Variants in STARD9 observed in about 807,000 individuals in gnomAD.
STARD9 encodes the protein stAR-related lipid transfer protein 9.
In STARD9, 346 loss-of-function variants were observed where a neutral mutation model predicts 399.8. The ratio of observed to expected loss-of-function variants is 0.87; its 90% confidence interval spans 0.79 to 0.95. The LOEUF (loss-of-function observed/expected upper bound fraction) is 0.95, where lower values mean the gene tolerates loss of function less well. Among genes scored for constraint, STARD9 ranks in the 40% least tolerant of loss-of-function variants. STARD9 has a pLI of 0.00. For missense variants in STARD9, 5,832 were observed against 5,667.5 expected, an observed-to-expected ratio of 1.03 and a Z score of -0.93; for synonymous variants, 2,203 against 2,143.5, an observed-to-expected ratio of 1.03 and a Z score of -0.77.
rs781592445 is a variant in STARD9, at chr15:42,687,329, GGAA to G, written c.5757_5759del (p.Glu1920del). Reference sequence around the variant, plus strand: ...TCTTTCGTGAATCTGAGGCACGAGAGGAAGAAGAGCTGGATCAGAATACGGTTC... The same window carrying G: ...TCTTTCGTGAATCTGAGGCACGAGAGGAAGAGCTGGATCAGAATACGGTTC... On this transcript the variant is annotated inframe_deletion, in exon 23 of 33. Coordinates refer to ENST00000290607, the MANE Select transcript of STARD9 (RefSeq NM_020759.3). 1.6e-5 allele frequency: 25 copies of G among 1,536,634 alleles called. No homozygotes were observed. Among genetic ancestry groups the G allele is most frequent in the Non-Finnish European group, 2.1e-5 (24 of 1,146,928 alleles).
chr15:42,699,154 C>T (rs1003198784), intron 26 of STARD9, among the ~76,000 whole-genome samples: 1 of 152,142 alleles, frequency 6.6e-6, no homozygotes, highest in African/African-American at 2.4e-5. Flanking sequence ...TCACTTTAAA[C>T]ATTTATCATT....
In STARD9 at chr15:42,693,085, C is replaced by CG; in HGVS notation, c.11507_11508insG (p.Val3837SerfsTer3). 2 of 1,537,112 alleles carry CG rather than the reference C, an allele frequency of 1.3e-6. No homozygotes were observed. Among genetic ancestry groups the CG allele is most frequent in the Non-Finnish European group, 8.7e-7 (1 of 1,146,878 alleles). On this transcript the variant is annotated frameshift_variant, in exon 23 of 33. Coordinates refer to ENST00000290607, the MANE Select transcript of STARD9 (RefSeq NM_020759.3). LOFTEE classifies it high-confidence loss of function. The stretch of plus-strand genomic sequence containing the variant: ...CAGCATCTTCCTTCTGTGAGCCCCT[C>CG]AGTTTCTGATGCTTTCCTGCCTCCC...
At chr15:42,581,104 C>T (rs960344285) in intron 1 of STARD9, 4 of 690,644 alleles carry the variant, frequency 5.8e-6, no homozygotes, top group Non-Finnish European at 1.1e-5. Flanking sequence ...TGCTGCTTTT[C>T]TTCTAATCCT....
intron 2 of STARD9, among the ~76,000 whole-genome samples, chr15:42,585,000 T>C (rs2058247030): frequency 6.6e-6 from 1 of 152,208 alleles, no homozygotes; most frequent in African/African-American, 2.4e-5. Context: ...CAGCCAAAAC[T>C]ATTTCATGAA....
At chr15:42,696,314 G>T (rs2060845939) in intron 26 of STARD9, among the ~76,000 whole-genome samples, 1 of 152,230 alleles carries the variant, frequency 6.6e-6, no homozygotes, top group Non-Finnish European at 1.5e-5. Context: ...AAAAGGATAA[G>T]AGGTAGTTAA....
At chr15:42,635,848 G>T (rs1490010222) in intron 4 of STARD9, among the ~76,000 whole-genome samples, 2 of 152,202 alleles carry the variant, frequency 1.3e-5, no homozygotes, top group Non-Finnish European at 2.9e-5. Flanking sequence ...GCCTACATGT[G>T]TTAGATCTGT....
In STARD9 at chr15:42,634,023, A is replaced by G. The variant is rs557010602; in HGVS notation, c.235-833A>G. 3.9e-5 allele frequency among the ~76,000 whole-genome samples: 6 copies of G among 152,106 alleles called. No individual in the cohort carries two copies. In the South Asian group the frequency reaches 1.2e-3, roughly 32 times the overall value. ...GCCTGTTTGGCTTCTATAGTAGAGC[A>G]TTGAGCTGTGCTTCCCACCAAGACT... On this transcript the variant is annotated intron_variant, in intron 3 of 32. Coordinates refer to ENST00000290607, the MANE Select transcript of STARD9 (RefSeq NM_020759.3).
chr15:42,672,186 A>G (rs987131473), intron 16 of STARD9: 5 of 152,356 alleles, frequency 3.3e-5, no homozygotes, highest in South Asian at 2.1e-4. Flanking sequence ...TAAGTTGGTT[A>G]CAGACCTAGA....
intron 9 of STARD9, among the ~76,000 whole-genome samples, chr15:42,653,473 A>G (rs1351839900): frequency 1.3e-5 from 2 of 152,230 alleles, no homozygotes; most frequent in Admixed American, 6.5e-5. Flanking sequence ...ATCCACACCT[A>G]GACACATCAT....
intron 3 of STARD9, among the ~76,000 whole-genome samples, chr15:42,625,606 AG>A (rs1003914495): frequency 3.3e-4 from 50 of 149,744 alleles, no homozygotes; most frequent in African/African-American, 1.2e-3. Flanking sequence ...CTGGGTTTAC[AG>A]GCATGAGCCA....
At chr15:42,665,879 T>G (rs1419983052) in intron 15 of STARD9, 31 bp downstream of exon 15, 5 of 1,524,232 alleles carry the variant, frequency 3.3e-6, no homozygotes, top group Non-Finnish European at 4.4e-6. Context: ...CAGTTGTTCT[T>G]TACATCACCT....
intron 3 of STARD9, among the ~76,000 whole-genome samples, chr15:42,610,456 C>A (rs1327302002): frequency 6.6e-6 from 1 of 152,206 alleles, no homozygotes; most frequent in African/African-American, 2.4e-5. Flanking sequence ...CCTACTGACT[C>A]CTGTGTAGCA....
At chr15:42,712,944 T>C (rs2061276776) in intron 26 of STARD9, among the ~76,000 whole-genome samples, 1 of 152,246 alleles carries the variant, frequency 6.6e-6, no homozygotes, top group Non-Finnish European at 1.5e-5. Flanking sequence ...TTTCTCAGAT[T>C]TCCATATGAA....
intron 3 of STARD9, among the ~76,000 whole-genome samples, chr15:42,602,246 T>G (rs930778995): frequency 6.6e-6 from 1 of 152,212 alleles, no homozygotes; most frequent in Non-Finnish European, 1.5e-5. Flanking sequence ...CATGGCTGGG[T>G]GACTTTATCT....
Position 42,663,810 on chromosome 15 carries a change from T to G in STARD9, c.1079-10T>G, listed in dbSNP as rs2060036315. The G allele has an allele frequency of 6.5e-7, 1 of 1,531,078 alleles. No homozygotes were observed. Among genetic ancestry groups the G allele is most frequent in the Non-Finnish European group, 8.8e-7 (1 of 1,141,390 alleles). The allele number at this position is 1,531,078 out of a possible 1,614,324, so 94.8% of individuals were successfully genotyped here. A position where few individuals can be genotyped will look rare whatever the true frequency, so the allele number is the denominator to read the frequency against. On this transcript the variant is annotated splice_polypyrimidine_tract_variant and intron_variant, in intron 12 of 32. Transcript: ENST00000290607. ...CTGGCATGTTTTTAAACTTTCTCCT[T>G]CTACCTCAGCGGTGTCTCCTGCACA... is the stretch of plus-strand genomic sequence containing the variant.
At chr15:42,658,367 G>T (rs1212371005) in intron 9 of STARD9, among the ~76,000 whole-genome samples, 2 of 151,368 alleles carry the variant, frequency 1.3e-5, no homozygotes, top group African/African-American at 4.9e-5. Flanking sequence ...GTAGAGACAA[G>T]GTCTCGTTAT....
intron 15 of STARD9, 54 bp downstream of exon 15, chr15:42,665,902 A>G: frequency 4.2e-6 from 6 of 1,443,470 alleles, no homozygotes; most frequent in South Asian, 1.2e-5. Context: ...GAGCTCCTCC[A>G]TTATTCCGGA....
chr15:42,676,254 C>T (rs2060309836), intron 20 of STARD9, among the ~76,000 whole-genome samples: 7 of 152,088 alleles, frequency 4.6e-5, no homozygotes, highest in Admixed American at 4.6e-4. Flanking sequence ...TTCCTGTGGC[C>T]ACTTTTCTCT....
intron 13 of STARD9, among the ~76,000 whole-genome samples, chr15:42,664,762 GAATT>G (rs556707023): frequency 5.5e-4 from 83 of 150,668 alleles, no homozygotes; most frequent in African/African-American, 1.9e-3. Context: ...GAGAGTGTAT[GAATT>G]CATTGGTTTT....
Sources: allele counts gnomAD v4.1 joint callset (sites outside exome capture counted in the v4.1 genomes callset), GRCh38; gene constraint gnomAD v4.1.1; transcripts MANE v1.5; gene names NCBI Gene and HGNC (gene_info 2026-07-23, HGNC 2026-07-21).